PDE5A: variants seen among roughly 807,000 people sequenced by gnomAD.
PDE5A encodes the protein phosphodiesterase 5A.
PDE5A carries 67 observed loss-of-function variants against 110.2 expected under a neutral mutation model. That is an observed-to-expected ratio of 0.61 (90% confidence interval 0.50 to 0.75). The LOEUF is 0.75. PDE5A is among the 30% of genes least tolerant of loss of function. PDE5A has a pLI of 0.00. For missense variants in PDE5A, 862 were observed against 1,045.1 expected (o/e 0.82, Z 2.42); for synonymous variants, 328 against 351.2 (o/e 0.93, Z 0.74).
intron 7 of PDE5A, among the ~76,000 whole-genome samples, chr4:119,554,699 T>C (rs1727479888): frequency 6.6e-6 from 1 of 151,826 alleles, no homozygotes; most frequent in South Asian, 2.1e-4. Context: ...TCCACGTCTT[T>C]GGATACACCC....
At chr4:119,580,926 C>T (rs1282198411) in intron 3 of PDE5A, among the ~76,000 whole-genome samples, 1 of 152,210 alleles carries the variant, frequency 6.6e-6, no homozygotes, top group Non-Finnish European at 1.5e-5. Flanking sequence ...CTTCAGAGCC[C>T]TGGATCTATT....
intron 1 of PDE5A, among the ~76,000 whole-genome samples, chr4:119,626,263 G>GA (rs551675310): frequency 2.1e-3 from 314 of 152,142 alleles, no homozygotes; most frequent in African/African-American, 7.3e-3. Flanking sequence ...AAAGTAATGG[G>GA]AAAAGAAATG....
chr4:119,557,954 G>A (rs1464030674), intron 7 of PDE5A, among the ~76,000 whole-genome samples: 1 of 151,972 alleles, frequency 6.6e-6, no homozygotes, highest in African/African-American at 2.4e-5. Context: ...TGACCTAAAA[G>A]GATTAATTCT....
intron 1 of PDE5A, among the ~76,000 whole-genome samples, chr4:119,622,098 C>T (rs1730167883): frequency 6.6e-6 from 1 of 151,612 alleles, no homozygotes; most frequent in Non-Finnish European, 1.5e-5. Flanking sequence ...GGCCTGAACC[C>T]GGGAAGCGGA....
chr4:119,603,371 AATAAATAC>A (rs1488542977), intron 2 of PDE5A, among the ~76,000 whole-genome samples: 2 of 91,552 alleles, frequency 2.2e-5, no homozygotes, highest in African/African-American at 7.6e-5. Flanking sequence ...TCTGGCTTAA[AATAAATAC>A]ATACATACAT....
rs3733523 is a variant in PDE5A, at chr4:119,502,564, C to T, written c.2406+17G>A. On this transcript the variant is annotated intron_variant, in intron 19 of 20. Transcript: ENST00000354960. ...AAACAATTTGAATAATTCCTACCAA[C>T]AAGGTTTCATACTTACAGTGGGTTC... 373,882 of 1,435,702 alleles carry T rather than the reference C, an allele frequency of 0.26. 49,200 individuals are homozygous for T. The highest frequency in any genetic ancestry group is 0.35 in the East Asian group (15,150 of 43,568). The allele number at this position is 1,435,702 out of a possible 1,614,324, so 88.9% of individuals were successfully genotyped here. A position where few individuals can be genotyped will look rare whatever the true frequency, so the allele number is the denominator to read the frequency against.
In PDE5A at chr4:119,542,602, TCTC is replaced by T. The variant is rs1726973890; in HGVS notation, c.1426_1428del (p.Glu476del). 6.2e-7 allele frequency: 1 copy of T among 1,613,764 alleles called. No homozygotes were observed. Among genetic ancestry groups the T allele is most frequent in the African/African-American group, 1.3e-5 (1 of 74,886 alleles). ...TTGAAAGGCTTAACCTTGCCAGTATTCTCCTCCATCTTATTAACAAGTTGGCAA... is the reference window on the plus strand; with the variant it reads ...TTGAAAGGCTTAACCTTGCCAGTATTCTCCATCTTATTAACAAGTTGGCAA... On this transcript the variant is annotated inframe_deletion, in exon 10 of 21. Transcript: ENST00000354960.
chr4:119,523,319 CATT>C (rs1726196820), intron 12 of PDE5A, among the ~76,000 whole-genome samples: 1 of 151,950 alleles, frequency 6.6e-6, no homozygotes, highest in Non-Finnish European at 1.5e-5. Context: ...TGGTTACAGT[CATT>C]ATAGGAGAAT....
chr4:119,588,024 T>C (rs974744310), intron 3 of PDE5A, among the ~76,000 whole-genome samples: 4 of 152,212 alleles, frequency 2.6e-5, no homozygotes, highest in Non-Finnish European at 5.9e-5. Context: ...GGCACTTTCA[T>C]CTCTCCCCAG....
At chr4:119,611,484 G>A (rs578226823) in intron 1 of PDE5A, among the ~76,000 whole-genome samples, 3 of 152,234 alleles carry the variant, frequency 2.0e-5, no homozygotes, top group South Asian at 2.1e-4. Context: ...GTGTTTTAGC[G>A]ATTACTGTTC....
intron 11 of PDE5A, 176 bp downstream of exon 11, chr4:119,538,782 TAC>T (rs1251185655): frequency 3.2e-6 from 2 of 623,068 alleles, no homozygotes; most frequent in Admixed American, 2.5e-5. Context: ...TACACTATAT[TAC>T]ACAGTCAGTA....
chr4:119,618,191 G>C (rs755072302), intron 1 of PDE5A, among the ~76,000 whole-genome samples: 1 of 152,110 alleles, frequency 6.6e-6, no homozygotes, highest in Admixed American at 6.6e-5. Context: ...CATGATAAAA[G>C]TAAAGGAAAT....
chr4:119,550,794 A>G (rs1042082875), intron 9 of PDE5A, among the ~76,000 whole-genome samples: 3 of 152,368 alleles, frequency 2.0e-5, no homozygotes, highest in African/African-American at 7.2e-5. Flanking sequence ...ATACTTATAA[A>G]AAAGCATTTT....
At chr4:119,561,181 A>C (rs920811509) in intron 6 of PDE5A, among the ~76,000 whole-genome samples, 1 of 152,200 alleles carries the variant, frequency 6.6e-6, no homozygotes, top group African/African-American at 2.4e-5. Flanking sequence ...GCAGAACAGC[A>C]CATTATGCCC....
At chr4:119,503,158 C>G (rs540674174) in intron 18 of PDE5A, among the ~76,000 whole-genome samples, 1 of 152,056 alleles carries the variant, frequency 6.6e-6, no homozygotes, top group Non-Finnish European at 1.5e-5. Flanking sequence ...ATGTCTGTTT[C>G]ATGAGATGAG....
chr4:119,554,813 TGTATTAG>T (rs1368364346), intron 7 of PDE5A, among the ~76,000 whole-genome samples: 2 of 152,176 alleles, frequency 1.3e-5, no homozygotes, highest in Non-Finnish European at 2.9e-5. Context: ...GCATTTACAT[TGTATTAG>T]GTATTATAAG....
In PDE5A at chr4:119,627,899, A is replaced by T; in HGVS notation, c.152+621T>A. 2 of 292,852 alleles carry T rather than the reference A, an allele frequency of 6.8e-6. No individual in the cohort carries two copies. The highest frequency in any genetic ancestry group is 1.0e-5 in the Non-Finnish European group (2 of 196,576). The allele number at this position is 292,852 out of a possible 1,614,324, so 18.1% of individuals were successfully genotyped here. On this transcript the variant is annotated intron_variant, in intron 1 of 20. Transcript: ENST00000354960. The surrounding 1 kb of genome is among the most constrained non-coding windows in gnomAD (Gnocchi z 4.6). ...GCCGCAAACCCCTCTGCAGAGCTCT[A>T]CTTTTGGCGGCACAGCCTTCGGCGG...
intron 1 of PDE5A, among the ~76,000 whole-genome samples, chr4:119,624,589 C>T (rs1730273264): frequency 1.3e-5 from 2 of 152,176 alleles, no homozygotes; most frequent in Admixed American, 1.3e-4. Context: ...CTCTTATTTC[C>T]AGTATATGCC....
At chr4:119,592,242 T>A (rs1273311266) in intron 3 of PDE5A, among the ~76,000 whole-genome samples, 2 of 144,066 alleles carry the variant, frequency 1.4e-5, no homozygotes, top group Non-Finnish European at 3.0e-5. Context: ...GATCACAAGG[T>A]CAGGAGATCG....
Sources: gnomAD v4.1 joint callset for allele counts (sites outside exome capture counted in the v4.1 genomes callset) on GRCh38, gnomAD v4.1.1 for gene constraint, Gnocchi (gnomAD v3.1) non-coding constraint, MANE v1.5 for transcripts, NCBI Gene and HGNC (gene_info 2026-07-23, HGNC 2026-07-21) for gene names.